The following EPHB1 variants were observed in gnomAD, a reference collection of about 807,000 sequenced individuals.
EPHB1 encodes ephrin type-B receptor 1.
A neutral mutation model predicts 94.4 loss-of-function variants in EPHB1; 30 were observed. The observed-to-expected ratio is 0.32, with a 90% confidence interval of 0.24 to 0.43. The LOEUF (loss-of-function observed/expected upper bound fraction) is 0.43, where lower values mean the gene tolerates loss of function less well. Ranked by LOEUF, EPHB1 falls within the 20% of genes least tolerant of loss-of-function variation. The pLI is 1.00. For missense variants in EPHB1, 1,055 were observed against 1,308.3 expected (o/e 0.81, Z 2.99); for synonymous variants, 522 against 489.1 (o/e 1.07, Z -0.89).
At chr3:135,207,485 G>A (rs921142035) in intron 12 of EPHB1, among the ~76,000 whole-genome samples, 2 of 152,196 alleles carry the variant, frequency 1.3e-5, no homozygotes, top group African/African-American at 2.4e-5. Flanking sequence ...CATTGTTACT[G>A]CTCTCAGTTA....
At chr3:135,130,410 G>A (rs1437688215) in intron 4 of EPHB1, among the ~76,000 whole-genome samples, 2 of 152,236 alleles carry the variant, frequency 1.3e-5, no homozygotes, top group Non-Finnish European at 2.9e-5. Flanking sequence ...GAGAAGTGGG[G>A]AAGTAATCAG....
chr3:134,916,736 C>T (rs935078756), intron 1 of EPHB1, among the ~76,000 whole-genome samples: 2 of 142,372 alleles, frequency 1.4e-5, no homozygotes, highest in Admixed American at 7.1e-5. Context: ...CCCACCCGTG[C>T]CTCTCCCTCC....
At chr3:135,258,430 A>C (rs1933510325) in intron 15 of EPHB1, among the ~76,000 whole-genome samples, 1 of 152,234 alleles carries the variant, frequency 6.6e-6, no homozygotes, top group Admixed American at 6.5e-5. Flanking sequence ...TGTTCTTATT[A>C]ATCCAATTCA....
intron 3 of EPHB1, among the ~76,000 whole-genome samples, chr3:135,079,074 C>T (rs1938057146): frequency 6.9e-6 from 1 of 145,212 alleles, no homozygotes; most frequent in Admixed American, 6.7e-5. Flanking sequence ...CATGGACATA[C>T]GTAAAAACAA....
chr3:134,849,380 C>T lies in EPHB1; in HGVS notation c.58+53691C>T, dbSNP rs147495206. ...ACTGCTAAGAGCAAAGCCAAGAGGA[C>T]TTCATGGAGAAGAGTCCTTTTGGCT... is the stretch of plus-strand genomic sequence containing the variant. On this transcript the variant is annotated intron_variant, in intron 1 of 15. Coordinates refer to ENST00000398015, the MANE Select transcript of EPHB1 (RefSeq NM_004441.5). Among the ~76,000 whole-genome samples, 250 of 152,312 alleles carry T rather than the reference C, an allele frequency of 1.6e-3. 1 individual carries two copies. Among genetic ancestry groups the T allele is most frequent in the Non-Finnish European group, 2.6e-3 (179 of 68,036 alleles).
At chr3:134,816,755 G>T (rs191818498) in intron 1 of EPHB1, among the ~76,000 whole-genome samples, 1 of 151,950 alleles carries the variant, frequency 6.6e-6, no homozygotes, top group East Asian at 2.0e-4. Context: ...GACTTGGAGG[G>T]CCAATGTTCT....
intron 1 of EPHB1, among the ~76,000 whole-genome samples, chr3:134,862,214 T>C (rs2037278758): frequency 6.6e-6 from 1 of 152,162 alleles, no homozygotes; most frequent in South Asian, 2.1e-4. Flanking sequence ...GCACCTGGCT[T>C]GCTGGGCAGC....
intron 3 of EPHB1, among the ~76,000 whole-genome samples, chr3:134,990,716 A>G (rs1280394389): frequency 6.6e-6 from 1 of 152,172 alleles, no homozygotes; most frequent in African/African-American, 2.4e-5. Flanking sequence ...TTATCTCTAG[A>G]TTACTTGTGG....
At chr3:135,091,284 G>A (rs1223896735) in intron 3 of EPHB1, among the ~76,000 whole-genome samples, 1 of 152,222 alleles carries the variant, frequency 6.6e-6, no homozygotes, top group Admixed American at 6.5e-5. Context: ...GGCCATCTGG[G>A]CAGGTGGAGC....
chr3:135,116,921 G>A (rs535820921), intron 4 of EPHB1, among the ~76,000 whole-genome samples: 4 of 152,286 alleles, frequency 2.6e-5, no homozygotes, highest in South Asian at 4.1e-4. Context: ...TCCCTGGTTT[G>A]GTAATACATG....
intron 15 of EPHB1, among the ~76,000 whole-genome samples, chr3:135,252,222 T>A (rs990230780): frequency 3.3e-5 from 5 of 151,772 alleles, no homozygotes; most frequent in East Asian, 3.9e-4. Context: ...TTATTTATTT[T>A]TTATTATTAT....
At chr3:135,122,673 G>C (rs952240302) in intron 4 of EPHB1, among the ~76,000 whole-genome samples, 1 of 152,196 alleles carries the variant, frequency 6.6e-6, no homozygotes, top group Non-Finnish European at 1.5e-5. Context: ...AGGCTAGGTA[G>C]AGGGGCTGTC....
At chr3:135,249,586 T>A (rs1932979922) in intron 15 of EPHB1, 95 bp downstream of exon 15, 1 of 1,398,642 alleles carries the variant, frequency 7.1e-7, no homozygotes, top group African/African-American at 1.4e-5. Context: ...TCTGGCCTCA[T>A]CCCTGGAGCT....
intron 3 of EPHB1, among the ~76,000 whole-genome samples, chr3:135,016,951 C>T (rs1935818240): frequency 6.6e-6 from 1 of 152,102 alleles, no homozygotes; most frequent in African/African-American, 2.4e-5. Flanking sequence ...CAAACAGCTC[C>T]CTTCCCTCAT....
Position 135,113,943 on chromosome 3 carries a change from G to A in EPHB1, c.961+7340G>A, listed in dbSNP as rs112617526. 2.5e-3 allele frequency among the ~76,000 whole-genome samples: 375 copies of A among 152,310 alleles called. 1 individual carries two copies. The highest frequency in any genetic ancestry group is 6.8e-3 in the Middle Eastern group (2 of 294). On this transcript the variant is annotated intron_variant, in intron 4 of 15. Coordinates refer to ENST00000398015, the MANE Select transcript of EPHB1 (RefSeq NM_004441.5). ...TGAGACTTGTGATCCTCACTCCAGA[G>A]CAAGGTTCAGTAGAAAAGTCATGGA...
chr3:135,031,494 G>A (rs1279872444), intron 3 of EPHB1, among the ~76,000 whole-genome samples: 1 of 152,118 alleles, frequency 6.6e-6, no homozygotes, highest in African/African-American at 2.4e-5. Flanking sequence ...ATATTTTGTA[G>A]AGGCAGGGTT....
At chr3:135,087,385 G>A (rs983026710) in intron 3 of EPHB1, among the ~76,000 whole-genome samples, 4 of 152,138 alleles carry the variant, frequency 2.6e-5, no homozygotes, top group African/African-American at 9.7e-5. Flanking sequence ...CTTTATCTTA[G>A]TTATTAACAA....
intron 1 of EPHB1, among the ~76,000 whole-genome samples, chr3:134,857,728 A>G (rs548120021): frequency 6.6e-6 from 1 of 152,212 alleles, no homozygotes; most frequent in East Asian, 1.9e-4. Flanking sequence ...GTGCAGATGA[A>G]GGCACAGCCC....
intron 6 of EPHB1, among the ~76,000 whole-genome samples, chr3:135,156,397 C>A (rs989873806): frequency 6.6e-6 from 1 of 152,152 alleles, no homozygotes; most frequent in African/African-American, 2.4e-5. Context: ...AACAGGGAGG[C>A]CATGCTGAAT....
Sources: gnomAD v4.1 joint callset for allele counts (sites outside exome capture counted in the v4.1 genomes callset) on GRCh38, gnomAD v4.1.1 for gene constraint, MANE v1.5 for transcripts, NCBI Gene and HGNC (gene_info 2026-07-23, HGNC 2026-07-21) for gene names.